Variants in DPP6 observed in about 807,000 individuals in gnomAD.
DPP6 encodes A-type potassium channel modulatory protein DPP6.
DPP6 carries 69 observed loss-of-function variants against 122.6 expected under a neutral mutation model. The ratio of observed to expected loss-of-function variants is 0.56; its 90% CI spans 0.46 to 0.69. The LOEUF is 0.69. DPP6 is among the 30% of genes least tolerant of loss of function. The probability of loss-of-function intolerance (pLI) is 0.00; values close to 1 mark genes in which losing one functional copy is unlikely to be tolerated. For synonymous variants in DPP6, 418 were observed against 433.1 expected, an observed-to-expected ratio of 0.97 and a Z score of 0.43; for missense variants, 928 against 1,116.9, an observed-to-expected ratio of 0.83 and a Z score of 2.41.
intron 5 of DPP6, among the ~76,000 whole-genome samples, chr7:154,594,580 G>A (rs2130745731): frequency 6.6e-6 from 1 of 152,168 alleles, no homozygotes; most frequent in South Asian, 2.1e-4. Context: ...CTCTCTGATT[G>A]TTTGCCATCT....
intron 1 of DPP6, among the ~76,000 whole-genome samples, chr7:154,218,892 G>A (rs1800149953): frequency 2.0e-5 from 3 of 152,182 alleles, no homozygotes; most frequent in African/African-American, 7.2e-5. Context: ...TTAAAGGATA[G>A]TCAAAAAAGC....
At chr7:154,492,464 T>A (rs544142459) in intron 3 of DPP6, among the ~76,000 whole-genome samples, 1 of 152,306 alleles carries the variant, frequency 6.6e-6, no homozygotes, top group South Asian at 2.1e-4. Flanking sequence ...CAGGTATATA[T>A]CCAAAGCCTG....
chr7:154,373,063 A>G (rs771814528), intron 1 of DPP6, among the ~76,000 whole-genome samples: 1 of 152,216 alleles, frequency 6.6e-6, no homozygotes, highest in Non-Finnish European at 1.5e-5. Context: ...GCCCTGCACC[A>G]TCCGCTTCCT....
At chr7:154,777,633 T>C (rs1796664974) in intron 10 of DPP6, among the ~76,000 whole-genome samples, 1 of 152,158 alleles carries the variant, frequency 6.6e-6, no homozygotes, top group Admixed American at 6.5e-5. Flanking sequence ...TGAGTTAAGA[T>C]GCGGCAGATA....
chr7:153,762,045 C>T, the DPP6 span, among the ~76,000 whole-genome samples: 1 of 152,208 alleles, frequency 6.6e-6, no homozygotes, highest in African/African-American at 2.4e-5. Flanking sequence ...ACATGTCCTG[C>T]AGTCATAGAA....
chr7:154,848,611 A>C (rs1246913128), intron 16 of DPP6, among the ~76,000 whole-genome samples: 1 of 152,224 alleles, frequency 6.6e-6, no homozygotes, highest in Non-Finnish European at 1.5e-5. Context: ...ACAATTCATG[A>C]AATGTCTTTT....
chr7:154,667,190 A>G (rs906251172), intron 6 of DPP6, among the ~76,000 whole-genome samples: 29 of 150,762 alleles, frequency 1.9e-4, no homozygotes, highest in African/African-American at 7.1e-4. Flanking sequence ...TTTTATAACC[A>G]CATTTTTCAA....
chr7:153,859,177 C>A, the DPP6 span, among the ~76,000 whole-genome samples: 2 of 152,124 alleles, frequency 1.3e-5, no homozygotes, highest in African/African-American at 4.8e-5. Context: ...AGGCCTGGGG[C>A]CCGTCTGGTG....
intron 1 of DPP6, among the ~76,000 whole-genome samples, chr7:153,958,586 C>T (rs1007721515): frequency 1.4e-4 from 22 of 152,244 alleles, no homozygotes; most frequent in African/African-American, 5.3e-4. Context: ...ATACTGGGTA[C>T]ACTGATTCCT....
chr7:154,313,685 G>GTGTGTGTGTATATATATATATATATA lies in DPP6; in HGVS notation c.244-132528_244-132527insGTGTGTGTATATATATATATATATAT. On this transcript the variant is annotated intron_variant, in intron 1 of 25. Transcript: ENST00000377770. ...AAGCAACAAGATATTTTAAGATATG[G>GTGTGTGTGTATATATATATATATATA]TATATATATATATATATATATATAT... Among the ~76,000 whole-genome samples, 60 of 20,464 alleles carry GTGTGTGTGTATATATATATATATATA rather than the reference G, an allele frequency of 2.9e-3. 6 individuals carry two copies. The highest frequency in any genetic ancestry group is 7.0e-3 in the African/African-American group (55 of 7,878). The allele number at this position is 20,464 out of a possible 152,430, so 13.4% of individuals were successfully genotyped here. A position where few individuals can be genotyped will look rare whatever the true frequency, so the allele number is the denominator to read the frequency against.
intron 1 of DPP6, among the ~76,000 whole-genome samples, chr7:154,413,618 T>A (rs1427367748): frequency 2.0e-5 from 3 of 152,210 alleles, no homozygotes; most frequent in Non-Finnish European, 4.4e-5. Context: ...GTTTGCTAAA[T>A]AAAGGCTTCA....
At chr7:154,415,656 T>C (rs1414037614) in intron 1 of DPP6, among the ~76,000 whole-genome samples, 1 of 151,206 alleles carries the variant, frequency 6.6e-6, no homozygotes, top group Non-Finnish European at 1.5e-5. Context: ...AGGTTAAATT[T>C]TGACCCAGCA....
chr7:153,773,363 A>T, the DPP6 span, among the ~76,000 whole-genome samples: 1 of 148,502 alleles, frequency 6.7e-6, no homozygotes, highest in Non-Finnish European at 1.5e-5. Context: ...TATTGGTAAG[A>T]ATTTGGAAAG....
intron 16 of DPP6, among the ~76,000 whole-genome samples, chr7:154,828,952 C>T (rs868452072): frequency 1.1e-4 from 16 of 152,324 alleles, no homozygotes; most frequent in South Asian, 1.0e-3. Context: ...AATACAGTCT[C>T]GGTCTCGTAC....
At chr7:153,817,079 A>G in the DPP6 span, among the ~76,000 whole-genome samples, 4 of 149,900 alleles carry the variant, frequency 2.7e-5, no homozygotes, top group East Asian at 2.0e-4. Flanking sequence ...TGGAAAACCA[A>G]TCCCTGAGAT....
chr7:153,899,226 C>CCTCCTTCTCCTCCTCCTT (rs1160120324), intron 1 of DPP6, among the ~76,000 whole-genome samples: 1 of 150,984 alleles, frequency 6.6e-6, no homozygotes, highest in Non-Finnish European at 1.5e-5. Context: ...TCCTCCTCCT[C>CCTCCTTCTCCTCCTCCTT]CTTTGATTAT....
At chr7:153,874,457 C>A in the DPP6 span, among the ~76,000 whole-genome samples, 3 of 152,176 alleles carry the variant, frequency 2.0e-5, no homozygotes, top group East Asian at 3.9e-4. Flanking sequence ...CTTGCTGCAA[C>A]CTCCACCTGC....
chr7:154,349,357 G>C (rs558945474), intron 1 of DPP6, among the ~76,000 whole-genome samples: 1 of 152,192 alleles, frequency 6.6e-6, no homozygotes, highest in South Asian at 2.1e-4. Flanking sequence ...TGTATCTTTA[G>C]TAGAGATGGG....
intron 1 of DPP6, among the ~76,000 whole-genome samples, chr7:154,187,940 C>G (rs1798429432): frequency 6.6e-6 from 1 of 152,154 alleles, no homozygotes; most frequent in African/African-American, 2.4e-5. Flanking sequence ...TAAAGCTCAC[C>G]AGGTCATTCT....
Sources: gnomAD v4.1 joint callset for allele counts (sites outside exome capture counted in the v4.1 genomes callset) on GRCh38, gnomAD v4.1.1 for gene constraint, MANE v1.5 for transcripts, NCBI Gene and HGNC (gene_info 2026-07-23, HGNC 2026-07-21) for gene names.